SETD3: variants seen among roughly 807,000 people sequenced by gnomAD.
SETD3 encodes actin-histidine N-methyltransferase.
A neutral mutation model predicts 63.0 loss-of-function variants in SETD3; 19 were observed. The observed-to-expected ratio is 0.30, with a 90% CI of 0.21 to 0.44. The LOEUF is 0.44. SETD3 is among the 20% of genes least tolerant of loss of function. The pLI is 1.00. For synonymous variants in SETD3, 286 were observed against 264.1 expected (o/e 1.08, Z -0.80); for missense variants, 587 against 728.5 (o/e 0.81, Z 2.24).
chr14:99,481,521 G>T (rs182692517), upstream of SETD3: 96 of 398,660 alleles, frequency 2.4e-4, no homozygotes, highest in African/African-American at 1.8e-3. Context: ...CCCACCTCCC[G>T]CGTATCTGGA....
intron 6 of SETD3, among the ~76,000 whole-genome samples, chr14:99,442,745 G>A (rs1301974099): frequency 1.3e-5 from 2 of 152,174 alleles, no homozygotes; most frequent in South Asian, 2.1e-4. Flanking sequence ...TACTGGTAAG[G>A]CCTCTGGTCA....
At chr14:99,469,153 ATTTC>A (rs1414871745) in intron 1 of SETD3, among the ~76,000 whole-genome samples, 1 of 152,216 alleles carries the variant, frequency 6.6e-6, no homozygotes, top group East Asian at 1.9e-4. Flanking sequence ...TGTTCTCAAG[ATTTC>A]TTTTTTAAGC....
chr14:99,485,299 TGGG>T (rs569207595), upstream of SETD3, among the ~76,000 whole-genome samples: 197 of 152,350 alleles, frequency 1.3e-3, 1 homozygote, highest in African/African-American at 4.4e-3. Context: ...TCATCCCTAC[TGGG>T]GTATTCCTAA....
At chr14:99,485,981 A>G in the SETD3 span, among the ~76,000 whole-genome samples, 1 of 152,230 alleles carries the variant, frequency 6.6e-6, no homozygotes, top group South Asian at 2.1e-4. Context: ...ATATGTGTAT[A>G]TATGTATTTT....
rs1892336470 is a variant in SETD3, at chr14:99,417,248, T to C, written c.676-3314A>G. Among the ~76,000 whole-genome samples the C allele has an allele frequency of 3.3e-5, 5 of 152,228 alleles. No individual in the cohort carries two copies. In the South Asian group the frequency reaches 1.0e-3, roughly 32 times the overall value. ...TTTGAAGATGAAAAAATGAACAATA[T>C]TCCGGCTTTAAAAAATTGATTTAGC... On this transcript the variant is annotated intron_variant, in intron 6 of 12. Coordinates refer to ENST00000331768, the MANE Select transcript of SETD3 (RefSeq NM_032233.3).
At chr14:99,450,358 C>T (rs1894390330) in intron 6 of SETD3, among the ~76,000 whole-genome samples, 1 of 152,206 alleles carries the variant, frequency 6.6e-6, no homozygotes, top group South Asian at 2.1e-4. Context: ...TTGTGCTATT[C>T]TTGTGTAGCT....
chr14:99,423,456 G>T (rs755749247), intron 6 of SETD3, among the ~76,000 whole-genome samples: 3 of 151,208 alleles, frequency 2.0e-5, no homozygotes. Flanking sequence ...CATACCTTTG[G>T]GTAGAGTACC....
intron 1 of SETD3, among the ~76,000 whole-genome samples, chr14:99,475,253 A>G (rs994428945): frequency 2.0e-5 from 3 of 152,268 alleles, no homozygotes; most frequent in Non-Finnish European, 2.9e-5. Context: ...TATGTATAGT[A>G]GCTCTCAATC....
chr14:99,432,926 A>G (rs578231503), intron 6 of SETD3, among the ~76,000 whole-genome samples: 8 of 152,358 alleles, frequency 5.3e-5, no homozygotes, highest in African/African-American at 1.9e-4. Flanking sequence ...GTTCTTATAA[A>G]GGACACAAAA....
chr14:99,431,647 C>T (rs531158515), intron 6 of SETD3, among the ~76,000 whole-genome samples: 22 of 152,180 alleles, frequency 1.4e-4, no homozygotes, highest in Non-Finnish European at 2.6e-4. Context: ...CATGCCACCA[C>T]GCCCAGCCAA....
chr14:99,428,364 G>T (rs1892996314), intron 6 of SETD3, among the ~76,000 whole-genome samples: 1 of 152,182 alleles, frequency 6.6e-6, no homozygotes, highest in East Asian at 1.9e-4. Flanking sequence ...TGGTGGAGGG[G>T]TTGGGTGCAG....
chr14:99,456,688 C>G (rs933900673), intron 6 of SETD3, among the ~76,000 whole-genome samples: 3 of 152,164 alleles, frequency 2.0e-5, no homozygotes, highest in Non-Finnish European at 4.4e-5. Flanking sequence ...ACACCTGGCT[C>G]TTAAACAAAT....
intron 6 of SETD3, among the ~76,000 whole-genome samples, chr14:99,426,620 T>C (rs1037747538): frequency 1.3e-5 from 2 of 152,282 alleles, no homozygotes; most frequent in East Asian, 3.9e-4. Context: ...ATATTCACCA[T>C]TGCCACTTCC....
intron 6 of SETD3, among the ~76,000 whole-genome samples, chr14:99,449,429 CCT>C (rs1287358594): frequency 6.6e-6 from 1 of 152,090 alleles, no homozygotes; most frequent in Non-Finnish European, 1.5e-5. Context: ...TCATGTATTC[CCT>C]GAGAAGGACA....
At chr14:99,428,296 A>G (rs111699837) in intron 6 of SETD3, among the ~76,000 whole-genome samples, 2,121 of 152,182 alleles carry the variant, frequency 0.014, 22 homozygotes, top group South Asian at 0.036. Flanking sequence ...GACACTGAGC[A>G]CCCCCTGGTC....
At chr14:99,454,933 G>C (rs138128120) in intron 6 of SETD3, among the ~76,000 whole-genome samples, 2,233 of 152,292 alleles carry the variant, frequency 0.015, 19 homozygotes, top group Non-Finnish European at 0.024. Context: ...TAGTTGCTTT[G>C]ATAAACACTC....
At chr14:99,420,926 C>A (rs922865470) in intron 6 of SETD3, among the ~76,000 whole-genome samples, 3 of 102,456 alleles carry the variant, frequency 2.9e-5, no homozygotes, top group Admixed American at 1.3e-4. Context: ...CATTTCCTCA[C>A]TGGAAAAAGC....
chr14:99,413,146 G>A, intron 7 of SETD3, 81 bp from the exon 8 acceptor site: 1 of 756,578 alleles, frequency 1.3e-6, no homozygotes, highest in Non-Finnish European at 2.3e-6. Context: ...CAAAAATTTA[G>A]GTTTGATCTC....
At chr14:99,403,289 T>C (rs955114719) in intron 11 of SETD3, among the ~76,000 whole-genome samples, 1 of 152,338 alleles carries the variant, frequency 6.6e-6, no homozygotes, top group Middle Eastern at 3.4e-3. Flanking sequence ...GGGCCATGAC[T>C]GCTTCCTCCG....
Sources: allele counts gnomAD v4.1 joint callset (sites outside exome capture counted in the v4.1 genomes callset), GRCh38; gene constraint gnomAD v4.1.1; transcripts MANE v1.5; gene names NCBI Gene and HGNC (gene_info 2026-07-23, HGNC 2026-07-21).